ZC3H12B: variants seen among roughly 807,000 people sequenced by gnomAD.
The protein encoded by ZC3H12B is probable ribonuclease ZC3H12B.
Under a neutral mutation model 43.9 loss-of-function variants are expected in ZC3H12B, and 7 were observed. The observed-to-expected ratio is 0.16, with a 90% CI of 0.09 to 0.30. The LOEUF is 0.30. Ranked by LOEUF, ZC3H12B falls within the 10% of genes least tolerant of loss-of-function variation. ZC3H12B has a pLI of 1.00. For missense variants in ZC3H12B, 475 were observed against 670.2 expected, an observed-to-expected ratio of 0.71 and a Z score of 3.22; for synonymous variants, 222 against 241.7, an observed-to-expected ratio of 0.92 and a Z score of 0.76.
At chrX:65,285,048 C>T in the ZC3H12B span, among the ~76,000 whole-genome samples, 91 of 110,160 alleles carry the variant, frequency 8.3e-4, no homozygotes, top group Admixed American at 3.9e-4. Context: ...AACAAAGAAA[C>T]GATTAGAAAA....
the ZC3H12B span, among the ~76,000 whole-genome samples, chrX:65,147,644 G>A: frequency 1.8e-5 from 2 of 111,443 alleles, no homozygotes; most frequent in Non-Finnish European, 3.8e-5. Context: ...CTGAGTCCAT[G>A]GAGGCAATGC....
the ZC3H12B span, among the ~76,000 whole-genome samples, chrX:65,315,884 G>A: frequency 1.8e-5 from 2 of 111,611 alleles, no homozygotes; most frequent in South Asian, 3.7e-4. Flanking sequence ...TCCACATCCA[G>A]TAAAAAGTCA....
the ZC3H12B span, among the ~76,000 whole-genome samples, chrX:65,084,829 C>T: frequency 3.0e-4 from 34 of 112,518 alleles, no homozygotes; most frequent in East Asian, 2.8e-3. Flanking sequence ...CAGCATTTTG[C>T]ACAATAACTA....
chrX:65,396,773 C>T (rs868228662), intron 2 of ZC3H12B, among the ~76,000 whole-genome samples: 2 of 110,721 alleles, frequency 1.8e-5, no homozygotes, highest in Middle Eastern at 9.3e-3. Flanking sequence ...TAACCTGTCT[C>T]ATTGATCTGT....
At chrX:65,277,097 CAAG>C in the ZC3H12B span, among the ~76,000 whole-genome samples, 1 of 110,782 alleles carries the variant, frequency 9.0e-6, no homozygotes, top group East Asian at 2.8e-4. Flanking sequence ...AAATTTATGT[CAAG>C]AAGATTTAAA....
At chrX:65,312,334 G>A in the ZC3H12B span, among the ~76,000 whole-genome samples, 1 of 110,840 alleles carries the variant, frequency 9.0e-6, no homozygotes, top group Admixed American at 9.6e-5. Context: ...CCATCTTCCT[G>A]GTCAGAGCAT....
chrX:65,163,289 T>C, the ZC3H12B span, among the ~76,000 whole-genome samples: 5 of 111,482 alleles, frequency 4.5e-5, no homozygotes, highest in East Asian at 8.6e-4. Flanking sequence ...GAACCACTGC[T>C]GTCTTCAACG....
chrX:65,422,612 G>A (rs2067032130), intron 3 of ZC3H12B, among the ~76,000 whole-genome samples: 2 of 110,292 alleles, frequency 1.8e-5, no homozygotes, highest in Admixed American at 1.9e-4. Flanking sequence ...AGGTATACAC[G>A]TGCCATGTGG....
the ZC3H12B span, among the ~76,000 whole-genome samples, chrX:65,052,400 A>T: frequency 1.8e-5 from 2 of 111,235 alleles, no homozygotes; most frequent in African/African-American, 6.5e-5. Flanking sequence ...GTGCTATCAA[A>T]TAGTAGGTCT....
At chrX:65,421,892 G>C (rs2067022245) in intron 3 of ZC3H12B, among the ~76,000 whole-genome samples, 2 of 107,683 alleles carry the variant, frequency 1.9e-5, no homozygotes, top group South Asian at 8.4e-4. Flanking sequence ...AGCTTGCAGT[G>C]AGCCGAGATC....
chrX:65,360,413 TA>T, the ZC3H12B span, among the ~76,000 whole-genome samples: 1 of 112,042 alleles, frequency 8.9e-6, no homozygotes, highest in Admixed American at 9.5e-5. Context: ...CACTTCACCA[TA>T]AAAGAGATAG....
the ZC3H12B span, among the ~76,000 whole-genome samples, chrX:65,166,285 A>T: frequency 9.0e-6 from 1 of 111,007 alleles, no homozygotes; most frequent in Admixed American, 9.7e-5. Flanking sequence ...ATGAGTGAGA[A>T]CATGCAGTGT....
At chrX:65,325,544 A>G in the ZC3H12B span, among the ~76,000 whole-genome samples, 1 of 111,414 alleles carries the variant, frequency 9.0e-6, no homozygotes. Flanking sequence ...AGTAAATTTA[A>G]CCAAAGCAAA....
chrX:65,308,405 T>C, the ZC3H12B span, among the ~76,000 whole-genome samples: 24 of 111,133 alleles, frequency 2.2e-4, no homozygotes, highest in African/African-American at 7.8e-4. Context: ...CATTACATAA[T>C]GGTAAAGGGA....
chrX:65,198,203 A>T, the ZC3H12B span, among the ~76,000 whole-genome samples: 2 of 111,958 alleles, frequency 1.8e-5, no homozygotes, highest in Non-Finnish European at 1.9e-5. Flanking sequence ...CGATGCCCAG[A>T]TTGCCAGCTC....
chrX:65,353,016 T>TTGTGTG, the ZC3H12B span, among the ~76,000 whole-genome samples: 5 of 105,098 alleles, frequency 4.8e-5, no homozygotes, highest in South Asian at 4.1e-4. Flanking sequence ...CCCAGCTAAT[T>TTGTGTG]TGTGTGTGTG....
chrX:65,226,415 T>A, the ZC3H12B span, among the ~76,000 whole-genome samples: 3 of 111,276 alleles, frequency 2.7e-5, no homozygotes, highest in Non-Finnish European at 3.8e-5. Flanking sequence ...CACTGCAAAA[T>A]CATGCCAAAT....
the ZC3H12B span, among the ~76,000 whole-genome samples, chrX:65,212,475 T>G: frequency 1.5e-5 from 1 of 66,751 alleles, no homozygotes; most frequent in Non-Finnish European, 2.5e-5. Flanking sequence ...TATAATTATA[T>G]AAATAATATA....
At chrX:65,289,141 A>G in the ZC3H12B span, among the ~76,000 whole-genome samples, 1 of 111,295 alleles carries the variant, frequency 9.0e-6, no homozygotes, top group African/African-American at 3.3e-5. Context: ...CAGAAAAGTT[A>G]ATGTTATTAA....
Sources: gnomAD v4.1 joint callset for allele counts (sites outside exome capture counted in the v4.1 genomes callset) on GRCh38, gnomAD v4.1.1 for gene constraint, MANE v1.5 for transcripts, NCBI Gene and HGNC (gene_info 2026-07-23, HGNC 2026-07-21) for gene names.